TCF4: variants seen among roughly 807,000 people sequenced by gnomAD.
TCF4 encodes the protein SL3-3 enhancer factor 2.
In TCF4, 3 loss-of-function variants were observed where a neutral mutation model predicts 82.1. The ratio of observed to expected loss-of-function variants is 0.04; its 90% CI spans 0.02 to 0.09. The LOEUF (loss-of-function observed/expected upper bound fraction) is 0.09, where lower values mean the gene tolerates loss of function less well. Ranked by LOEUF, TCF4 falls within the 10% of genes least tolerant of loss-of-function variation. TCF4 has a pLI of 1.00. For synonymous variants in TCF4, 276 were observed against 309.6 expected (o/e 0.89, Z 1.14); for missense variants, 518 against 852.7 (o/e 0.61, Z 4.89).
rs184713858 is a variant in TCF4 at position 55,633,994 on chromosome 18, C to T, written c.195+1709G>A. On this transcript the variant is annotated intron_variant, in intron 1 of 20. Coordinates refer to the TCF4 transcript ENST00000398339. This position sits in a 1 kb window ranked among gnomAD's most constrained non-coding sequence, Gnocchi z 4.0. Reference sequence around the variant, plus strand: ...ACATAATACTATAATTTAGGCTGGGCGCAGTGGCTCACACCTGTAATCCCA... The same window carrying T: ...ACATAATACTATAATTTAGGCTGGGTGCAGTGGCTCACACCTGTAATCCCA... 1.3e-5 allele frequency among the ~76,000 whole-genome samples: 2 copies of T among 152,208 alleles called. No individual in the cohort carries two copies. The highest frequency in any genetic ancestry group is 2.1e-4 in the South Asian group (1 of 4,816).
At position 55,226,185 on chromosome 18, in the gene TCF4, CA is replaced by C. The variant is rs1331880976; in HGVS notation, c.*1849del. 6.6e-6 allele frequency: 1 copy of C among 152,412 alleles called. No homozygotes were observed. The highest frequency in any genetic ancestry group is 1.5e-5 in the Non-Finnish European group (1 of 67,972). The allele number at this position is 152,412 out of a possible 1,614,324, so 9.4% of individuals were successfully genotyped here. A position where few individuals can be genotyped will look rare whatever the true frequency, so the allele number is the denominator to read the frequency against. ...TTTCATTACTATATAACTGGCAAAA[CA>C]GGAGAACAGATGGAACATTTAGACC... is the stretch of plus-strand genomic sequence containing the variant. On this transcript the variant is annotated 3_prime_UTR_variant, in exon 20 of 20. Coordinates refer to ENST00000354452, the MANE Select transcript of TCF4 (RefSeq NM_001083962.2).
intron 6 of TCF4, among the ~76,000 whole-genome samples, chr18:55,354,398 A>T (rs962161405): frequency 6.6e-6 from 1 of 152,202 alleles, no homozygotes; most frequent in Non-Finnish European, 1.5e-5. Flanking sequence ...TCTTTCGAAC[A>T]CATTCTCAAC....
intron 5 of TCF4, among the ~76,000 whole-genome samples, chr18:55,431,632 G>A (rs1177778940): frequency 6.6e-6 from 1 of 152,100 alleles, no homozygotes; most frequent in African/African-American, 2.4e-5. Flanking sequence ...GACCCATGCA[G>A]GGCTTTGTAT....
At chr18:55,357,218 A>G (rs1442939750) in intron 6 of TCF4, among the ~76,000 whole-genome samples, 2 of 152,194 alleles carry the variant, frequency 1.3e-5, no homozygotes, top group Non-Finnish European at 2.9e-5. Flanking sequence ...CAGGTCATCT[A>G]TTATATATTA....
chr18:55,502,700 ATC>A (rs975460686), intron 3 of TCF4, among the ~76,000 whole-genome samples: 2 of 152,212 alleles, frequency 1.3e-5, no homozygotes, highest in Non-Finnish European at 2.9e-5. Flanking sequence ...TTATTGAGGT[ATC>A]TCTCATGCTC....
At chr18:55,567,442 TAGCAAA>T in intron 3 of TCF4, among the ~76,000 whole-genome samples, 1 of 152,314 alleles carries the variant, frequency 6.6e-6, no homozygotes, top group East Asian at 1.9e-4. Flanking sequence ...TTTCGAATAT[TAGCAAA>T]TGTAGAGATG....
chr18:55,275,422 G>A (rs1047141520), intron 10 of TCF4, among the ~76,000 whole-genome samples, 197 bp downstream of exon 10: 3 of 152,080 alleles, frequency 2.0e-5, no homozygotes, highest in Non-Finnish European at 4.4e-5. Flanking sequence ...CAATGCCAGA[G>A]AGAATCTGGA....
Position 55,350,935 on chromosome 18 carries a change from G to A in TCF4, c.438C>T (p.Ser146=). The change falls in exon 7 of 20, where the codon TCC becomes TCT. Residue 146 remains serine, a synonymous_variant. Transcript: ENST00000354452. ...PGTLSPTKPG[S]QYYQYSSNNP... ...TATTGCTAGAATACTGATAGTACTG[G>A]GAACCAGGTTTGGTGGGCGAAAGGG... is the stretch of plus-strand genomic sequence containing the variant. 4 of 1,613,632 alleles carry A rather than the reference G, an allele frequency of 2.5e-6. No homozygotes were observed. Among genetic ancestry groups the A allele is most frequent in the East Asian group, 2.2e-5 (1 of 44,872 alleles).
intron 6 of TCF4, among the ~76,000 whole-genome samples, chr18:55,365,156 AATAT>A (rs139574594): frequency 0.023 from 1,881 of 83,480 alleles, 69 homozygotes; most frequent in African/African-American, 0.081. Flanking sequence ...CCATCTCCAA[AATAT>A]ATATATATAT....
At chr18:55,485,818 A>T (rs747394894) in intron 3 of TCF4, among the ~76,000 whole-genome samples, 10 of 152,212 alleles carry the variant, frequency 6.6e-5, no homozygotes, top group African/African-American at 9.7e-5. Context: ...GCAGTCCCTG[A>T]CTTGATGAAG....
intron 15 of TCF4, among the ~76,000 whole-genome samples, chr18:55,242,771 A>G (rs1330530435): frequency 6.6e-6 from 1 of 152,070 alleles, no homozygotes; most frequent in Admixed American, 6.6e-5. Flanking sequence ...CTTTACGCCC[A>G]GCTAATTTTT....
In TCF4 at chr18:55,275,856, A is replaced by C. The variant is rs985037987; in HGVS notation, c.656-104T>G. ...AAAATGACTGCCTGTTGTGTTATTC[A>C]TCTTTGTGTTGGTTAGCTGATTACA... On this transcript the variant is annotated intron_variant, in intron 9 of 19. Transcript: ENST00000354452. 13 of 1,451,472 alleles carry C rather than the reference A, an allele frequency of 9.0e-6. 1 individual carries two copies. Among genetic ancestry groups the C allele is most frequent in the African/African-American group, 4.2e-5 (3 of 71,732 alleles). The allele number at this position is 1,451,472 out of a possible 1,614,324, so 89.9% of individuals were successfully genotyped here.
chr18:55,429,648 C>G (rs989054208), intron 5 of TCF4, among the ~76,000 whole-genome samples: 2 of 150,152 alleles, frequency 1.3e-5, no homozygotes, highest in Non-Finnish European at 3.0e-5. Flanking sequence ...GTGGTCCCAG[C>G]TACTCGGGAG....
At chr18:55,305,881 T>A (rs2070139274) in intron 8 of TCF4, among the ~76,000 whole-genome samples, 1 of 152,192 alleles carries the variant, frequency 6.6e-6, no homozygotes, top group Admixed American at 6.5e-5. Context: ...AATCAATAAG[T>A]AAATGAAGTA....
intron 6 of TCF4, among the ~76,000 whole-genome samples, chr18:55,392,346 T>C (rs1007074416): frequency 6.6e-6 from 1 of 150,900 alleles, no homozygotes; most frequent in African/African-American, 2.4e-5. Flanking sequence ...AAGCCAGGCA[T>C]GGTGGTGTGT....
chr18:55,293,438 A>T (rs1260556152), intron 8 of TCF4, among the ~76,000 whole-genome samples: 1 of 152,212 alleles, frequency 6.6e-6, no homozygotes, highest in Non-Finnish European at 1.5e-5. Flanking sequence ...TTCCACCAAG[A>T]AAATCAACCT....
At position 55,339,861 on chromosome 18, in the gene TCF4, C is replaced by CA. The variant is rs2079463539; in HGVS notation, c.549+10497dup. 2.6e-5 allele frequency among the ~76,000 whole-genome samples: 4 copies of CA among 152,326 alleles called. 1 individual carries two copies. The South Asian group carries it at 8.3e-4, about 32-fold the overall frequency. On this transcript the variant is annotated intron_variant, in intron 8 of 19. Coordinates refer to ENST00000354452, the MANE Select transcript of TCF4 (RefSeq NM_001083962.2). Reference sequence around the variant, plus strand: ...ATACATTATAATGCGTCAAAGGCTACAATCTAGCCATTCTTTGACTTTACC... The same window carrying CA: ...ATACATTATAATGCGTCAAAGGCTACAAATCTAGCCATTCTTTGACTTTACC...
intron 8 of TCF4, chr18:55,321,479 G>GA (rs869115769): frequency 9.4e-6 from 8 of 848,660 alleles, no homozygotes; most frequent in Admixed American, 2.2e-5. Flanking sequence ...GGAGTGGGGG[G>GA]AAAAAAAGAC....
chr18:55,302,288 T>C, intron 8 of TCF4: 1 of 807,812 alleles, frequency 1.2e-6, no homozygotes, highest in Non-Finnish European at 2.0e-6. Flanking sequence ...TTCTGGTGAA[T>C]GCCAGGGAAG....
Sources: allele counts gnomAD v4.1 joint callset (sites outside exome capture counted in the v4.1 genomes callset), GRCh38; gene constraint gnomAD v4.1.1; non-coding constraint Gnocchi (gnomAD v3.1); transcripts MANE v1.5; gene names NCBI Gene and HGNC (gene_info 2026-07-23, HGNC 2026-07-21).